COL8A2: variants seen among roughly 807,000 people sequenced by gnomAD.
COL8A2 encodes the protein collagen alpha-2(VIII) chain.
COL8A2 carries 16 observed loss-of-function variants against 24.0 expected under a neutral mutation model. The observed-to-expected ratio is 0.67, with a 90% CI of 0.45 to 1.01. The LOEUF is 1.01. COL8A2 is among the 50% of genes least tolerant of loss of function. The probability of loss-of-function intolerance (pLI) is 0.00; values close to 1 mark genes in which losing one functional copy is unlikely to be tolerated. For missense variants in COL8A2, 818 were observed against 942.4 expected (o/e 0.87, Z 1.73); for synonymous variants, 466 against 424.5 (o/e 1.10, Z -1.20).
At chr1:36,117,115 A>T (rs1383668451) in intron 1 of COL8A2, among the ~76,000 whole-genome samples, 1 of 152,194 alleles carries the variant, frequency 6.6e-6, no homozygotes, top group African/African-American at 2.4e-5. Context: ...GCTCCCATGG[A>T]AACTCTGACA....
chr1:36,109,207 G>A (rs1643803659), intron 2 of COL8A2, among the ~76,000 whole-genome samples: 1 of 152,154 alleles, frequency 6.6e-6, no homozygotes, highest in Non-Finnish European at 1.5e-5. Context: ...TTCCTGTTGT[G>A]GAGACATTGC....
intron 3 of COL8A2, 136 bp from the exon 4 acceptor site, chr1:36,099,623 G>C (rs994745596): frequency 2.2e-5 from 16 of 733,462 alleles, no homozygotes; most frequent in Admixed American, 9.1e-5. Flanking sequence ...TCTCATGGAA[G>C]ATGGGGTTTG....
intron 1 of COL8A2, among the ~76,000 whole-genome samples, chr1:36,116,809 C>A (rs1425181386): frequency 6.6e-6 from 1 of 152,178 alleles, no homozygotes; most frequent in East Asian, 1.9e-4. Flanking sequence ...GAATGCCATG[C>A]TTGCATTTCT....
rs1208379686 is a variant in COL8A2 at position 36,099,171 on chromosome 1, A to G, written c.510T>C (p.Thr170=). 1.3e-6 allele frequency: 2 copies of G among 1,498,934 alleles called. No individual in the cohort carries two copies. The highest frequency in any genetic ancestry group is 1.8e-6 in the Non-Finnish European group (2 of 1,123,516). The allele number at this position is 1,498,934 out of a possible 1,614,324, so 92.9% of individuals were successfully genotyped here. A position where few individuals can be genotyped will look rare whatever the true frequency, so the allele number is the denominator to read the frequency against. The change falls in exon 4 of 4, where the codon ACT becomes ACC. Residue 170 remains threonine (T), a synonymous_variant. Coordinates refer to ENST00000397799, the MANE Select transcript of COL8A2 (RefSeq NM_005202.4). ...CTTGGGCACCTGGTTTTCCAGGGATAGTAATGCCTGAGGGGCCCGGGAGGC... is the reference window on the plus strand; with the variant it reads ...CTTGGGCACCTGGTTTTCCAGGGATGGTAATGCCTGAGGGGCCCGGGAGGC... ...PPGLPGPSGI[T]IPGKPGAQGV... is the part of the protein sequence containing the mutation.
intron 1 of COL8A2, among the ~76,000 whole-genome samples, chr1:36,122,095 C>T (rs1485664304): frequency 6.6e-6 from 1 of 152,204 alleles, no homozygotes; most frequent in African/African-American, 2.4e-5. Flanking sequence ...CTCCCCAGTC[C>T]ACTCCCAGGG....
chr1:36,123,351 C>G lies in COL8A2; in HGVS notation c.-62+1706G>C, dbSNP rs11263858. ...TCCTTTGTTCCGGCTCAGGCAGGAGCAGAGAAGGTAGTGGAGTACAGGGGC... is the reference window on the plus strand; with the variant it reads ...TCCTTTGTTCCGGCTCAGGCAGGAGGAGAGAAGGTAGTGGAGTACAGGGGC... On this transcript the variant is annotated intron_variant, in intron 1 of 3. Coordinates refer to ENST00000397799, the MANE Select transcript of COL8A2 (RefSeq NM_005202.4). This position sits in a 1 kb window ranked among gnomAD's most constrained non-coding sequence, Gnocchi z 4.1. 0.62 allele frequency among the ~76,000 whole-genome samples: 94,387 copies of G among 152,176 alleles called. 31,592 individuals are homozygous for G. Among genetic ancestry groups the G allele is most frequent in the Non-Finnish European group, 0.77 (52,426 of 68,004 alleles).
chr1:36,099,912 G>A (rs1643648939), intron 3 of COL8A2, 138 bp downstream of exon 3: 1 of 827,594 alleles, frequency 1.2e-6, no homozygotes, highest in African/African-American at 1.7e-5. Context: ...GGGGTATTAG[G>A]AAAAACACTG....
At chr1:36,100,284 T>C in intron 2 of COL8A2, 26 bp from the exon 3 acceptor site, 1 of 1,536,682 alleles carries the variant, frequency 6.5e-7, no homozygotes, top group Non-Finnish European at 8.7e-7. Flanking sequence ...GAGAAAGTCA[T>C]CAAGCCAGCC....
Position 36,097,456 on chromosome 1 carries a change from A to ACGG in COL8A2, c.*110_*112dup, listed in dbSNP as rs1643585792. On this transcript the variant is annotated 3_prime_UTR_variant, in exon 4 of 4. Transcript: ENST00000397799. ...AAGTTAGTCTCCTCGGGCCAAGGCC[A>ACGG]CGGCCGCCTCTGTTCAGCTTTTGTT... 1.1e-6 allele frequency: 1 copy of ACGG among 888,000 alleles called. No individual in the cohort carries two copies. 55.0% of individuals were successfully genotyped at this position (888,000 alleles called of 1,614,324 possible).
chr1:36,100,840 A>G (rs1310052620), intron 2 of COL8A2, among the ~76,000 whole-genome samples: 3 of 127,256 alleles, frequency 2.4e-5, no homozygotes, highest in Admixed American at 1.8e-4. Context: ...ACTCCCTGCC[A>G]CTCGCCTTTG....
chr1:36,116,486 C>T (rs762574620), intron 1 of COL8A2, among the ~76,000 whole-genome samples: 1 of 152,242 alleles, frequency 6.6e-6, no homozygotes, highest in Non-Finnish European at 1.5e-5. Flanking sequence ...AAGCCTGGGT[C>T]ATGGACCACA....
At position 36,121,320 on chromosome 1, in the gene COL8A2, C is replaced by T. The variant is rs371482247; in HGVS notation, c.-62+3737G>A. 1.1e-3 allele frequency among the ~76,000 whole-genome samples: 127 copies of T among 118,796 alleles called. 1 individual carries two copies. The highest frequency in any genetic ancestry group is 3.9e-3 in the African/African-American group (120 of 30,728). 77.9% of individuals were successfully genotyped at this position (118,796 alleles called of 152,430 possible). On this transcript the variant is annotated intron_variant, in intron 1 of 3. Coordinates refer to ENST00000397799, the MANE Select transcript of COL8A2 (RefSeq NM_005202.4). The stretch of plus-strand genomic sequence containing the variant: ...AGAAGAATGGCTTGAACCTGGGAGG[C>T]GGAGGTTGCAGTGAGCCGAGACCAT...
rs1407611239 is a variant in COL8A2, at chr1:36,115,651, A to G, written c.-17+57T>C. 1.1e-6 allele frequency: 1 copy of G among 928,852 alleles called. No individual in the cohort carries two copies. The highest frequency in any genetic ancestry group is 1.2e-4 in the East Asian group (1 of 8,516). The allele number at this position is 928,852 out of a possible 1,614,324, so 57.5% of individuals were successfully genotyped here. ...AGGGAGTGAGGTTAGACAGCAATGA[A>G]CACAGGCCTCATCTGGCCTGAGATA... On this transcript the variant is annotated intron_variant, in intron 2 of 3. Coordinates refer to ENST00000397799, the MANE Select transcript of COL8A2 (RefSeq NM_005202.4). This position sits in a 1 kb window ranked among gnomAD's most constrained non-coding sequence, Gnocchi z 5.7.
chr1:36,095,379 A>C lies in COL8A2; in HGVS notation c.*2190T>G, dbSNP rs1025497439. ...CTGTGATACAGGGCACATGATAGGTATGTAGAGAGCTAAGCTTCCTATACC... is the reference window on the plus strand; with the variant it reads ...CTGTGATACAGGGCACATGATAGGTCTGTAGAGAGCTAAGCTTCCTATACC... On this transcript the variant is annotated 3_prime_UTR_variant, in exon 4 of 4. Transcript: ENST00000397799. 6.6e-6 allele frequency: 1 copy of C among 152,180 alleles called. No individual in the cohort carries two copies. Among genetic ancestry groups the C allele is most frequent in the Non-Finnish European group, 1.5e-5 (1 of 68,024 alleles). 9.4% of individuals were successfully genotyped at this position (152,180 alleles called of 1,614,324 possible).
rs1033640643 is a variant in COL8A2 at position 36,115,109 on chromosome 1, A to C, written c.-17+599T>G. 2.2e-4 allele frequency among the ~76,000 whole-genome samples: 33 copies of C among 152,066 alleles called. No homozygotes were observed. Among genetic ancestry groups the C allele is most frequent in the African/African-American group, 7.2e-4 (30 of 41,406 alleles). ...CCAGGCAGCTGGCCCTTCCCCACCCAGGGGCTCCGGCCTCAGCTGGGGCCG... is the reference window on the plus strand; with the variant it reads ...CCAGGCAGCTGGCCCTTCCCCACCCCGGGGCTCCGGCCTCAGCTGGGGCCG... On this transcript the variant is annotated intron_variant, in intron 2 of 3. Coordinates refer to ENST00000397799, the MANE Select transcript of COL8A2 (RefSeq NM_005202.4). This position sits in a 1 kb window ranked among gnomAD's most constrained non-coding sequence, Gnocchi z 5.7.
intron 2 of COL8A2, among the ~76,000 whole-genome samples, chr1:36,100,821 C>A (rs1015044956): frequency 6.7e-6 from 1 of 150,190 alleles, no homozygotes; most frequent in Admixed American, 6.6e-5. Flanking sequence ...TCTGCTGATG[C>A]CCTTCTGGAC....
Position 36,098,100 on chromosome 1 carries a change from C to A in COL8A2, c.1581G>T (p.Pro527=). 6.6e-7 allele frequency: 1 copy of A among 1,518,626 alleles called. No individual in the cohort carries two copies. The allele number at this position is 1,518,626 out of a possible 1,614,324, so 94.1% of individuals were successfully genotyped here. ...ITGPPGPPGP[P]GPPGAPGAFD... is the part of the protein sequence containing the mutation. ...AGGCCCCAGGGGCACCAGGGGGTCC[C>A]GGGGGCCCGGGAGGCCCCGGAGGGC... Residue 527 remains proline, a synonymous_variant, in exon 4 of 4, where the codon CCG becomes CCT. Coordinates refer to ENST00000397799, the MANE Select transcript of COL8A2 (RefSeq NM_005202.4).
chr1:36,116,026 C>T (rs1192884358), intron 1 of COL8A2, among the ~76,000 whole-genome samples: 1 of 150,984 alleles, frequency 6.6e-6, no homozygotes, highest in Non-Finnish European at 1.5e-5. Context: ...GATTGCACCA[C>T]TGCACTCCTG....
intron 2 of COL8A2, among the ~76,000 whole-genome samples, chr1:36,111,123 G>A (rs1220326094): frequency 5.9e-5 from 9 of 152,050 alleles, no homozygotes; most frequent in South Asian, 4.2e-4. Context: ...CCTCTTCCTC[G>A]GGGGCCCCTC....
Sources: gnomAD v4.1 joint callset for allele counts (sites outside exome capture counted in the v4.1 genomes callset) on GRCh38, gnomAD v4.1.1 for gene constraint, Gnocchi (gnomAD v3.1) non-coding constraint, MANE v1.5 for transcripts, NCBI Gene and HGNC (gene_info 2026-07-23, HGNC 2026-07-21) for gene names.